The following ARHGEF10 variants were observed in gnomAD, a reference collection of about 807,000 sequenced individuals.
ARHGEF10 encodes the protein Rho guanine nucleotide exchange factor (GEF) 10.
Under a neutral mutation model 147.4 loss-of-function variants are expected in ARHGEF10, and 140 were observed. The observed-to-expected ratio is 0.95, with a 90% CI of 0.83 to 1.09. ARHGEF10 has a LOEUF of 1.09. Ranked by LOEUF, ARHGEF10 falls within the 50% of genes least tolerant of loss-of-function variation. The pLI, the probability that ARHGEF10 is intolerant of heterozygous loss-of-function variation, is 0.00. For missense variants in ARHGEF10, 2,222 were observed against 1,752.7 expected, an observed-to-expected ratio of 1.27 and a Z score of -4.78; for synonymous variants, 902 against 695.8, an observed-to-expected ratio of 1.30 and a Z score of -4.67.
At chr8:1,896,991 G>T (rs998573620) in intron 14 of ARHGEF10, among the ~76,000 whole-genome samples, 9 of 152,114 alleles carry the variant, frequency 5.9e-5, no homozygotes, top group African/African-American at 2.2e-4. Context: ...CAGCAGGCAG[G>T]CAGGGCTTCC....
chr8:1,858,104 C>T lies in ARHGEF10; in HGVS notation c.182C>T (p.Pro61Leu). ...GGAGGTGCTGGAGCCAGTGAAGCCC[C>T]TGCACCCACAGGTGAGTTTCCAGGA... ...ETGGAGASEAPAPTGGEDGAG... is the reference protein window; with the variant it reads ...ETGGAGASEALAPTGGEDGAG... Residue 61 changes from proline (P) to leucine (L), a missense_variant, in exon 3 of 29, where the codon CCT (proline) becomes CTT (leucine). Coordinates refer to ENST00000349830, the MANE Select transcript of ARHGEF10 (RefSeq NM_014629.4). 1 of 1,552,742 alleles carries T rather than the reference C, an allele frequency of 6.4e-7. No homozygotes were observed. Among genetic ancestry groups the T allele is most frequent in the Admixed American group, 1.9e-5 (1 of 53,524 alleles).
At chr8:1,901,007 G>A (rs921071384) in intron 15 of ARHGEF10, among the ~76,000 whole-genome samples, 2 of 152,134 alleles carry the variant, frequency 1.3e-5, no homozygotes, top group African/African-American at 4.8e-5. Context: ...TTGATGAAAC[G>A]CTGGCGTATC....
rs557299695 is a variant in ARHGEF10, at chr8:1,898,217, C to T, written c.1558-216C>T. Among the ~76,000 whole-genome samples the T allele has an allele frequency of 5.9e-5, 9 of 152,332 alleles. No homozygotes were observed. The East Asian group carries it at 1.7e-3, about 29-fold the overall frequency. On this transcript the variant is annotated intron_variant, in intron 14 of 28. Transcript: ENST00000349830. ...AATTCACCCCTGGAGCTGAGGCCAA[C>T]GTGTGAGGTCGGGCCCCTGCAGCAA...
chr8:1,905,676 A>G lies in ARHGEF10; in HGVS notation c.1927A>G (p.Met643Val). ...IVKTKERRVF[M>V]LNDVLMCATV... ...TAAAACCAAAGAACGCCGAGTCTTC[A>G]TGTTAAATGATGTGTTAATGTGTGC... is the stretch of plus-strand genomic sequence containing the variant. The change falls in exon 17 of 29, where the codon ATG becomes GTG. Residue 643 changes from methionine to valine, a missense_variant. By Grantham distance (21) the Met-to-Val change is conservative. Transcript: ENST00000349830. 4 of 1,614,204 alleles carry G rather than the reference A, an allele frequency of 2.5e-6. No homozygotes were observed. Among genetic ancestry groups the G allele is most frequent in the South Asian group, 1.1e-5 (1 of 91,084 alleles).
Position 1,937,143 on chromosome 8 carries a change from T to TG in ARHGEF10, c.3222+3202dup, listed in dbSNP as rs1263861016. On this transcript the variant is annotated intron_variant, in intron 26 of 28. Transcript: ENST00000349830. The surrounding 1 kb of genome is among the most constrained non-coding windows in gnomAD (Gnocchi z 4.9). ...AGCTGGACAGGGAGGTTGGGGTACA[T>TG]GTTAGATGATTTTTGGCAGTATTGT... Among the ~76,000 whole-genome samples, 4 of 152,206 alleles carry TG rather than the reference T, an allele frequency of 2.6e-5. No homozygotes were observed. The highest frequency in any genetic ancestry group is 9.6e-5 in the African/African-American group (4 of 41,452).
chr8:1,844,609 C>T (rs536296965), intron 2 of ARHGEF10, among the ~76,000 whole-genome samples: 14 of 152,206 alleles, frequency 9.2e-5, no homozygotes, highest in South Asian at 2.1e-4. Context: ...CCACGGGGTA[C>T]GGGACCCGGT....
At chr8:1,902,456 G>A (rs7836624) in intron 15 of ARHGEF10, among the ~76,000 whole-genome samples, 25,747 of 151,896 alleles carry the variant, frequency 0.17, 2,631 homozygotes, top group East Asian at 0.32. Context: ...TGACCTCCTC[G>A]TGCTTGTCTG....
intron 4 of ARHGEF10, among the ~76,000 whole-genome samples, chr8:1,860,996 C>A (rs1476448790): frequency 6.6e-6 from 1 of 152,186 alleles, no homozygotes. Flanking sequence ...AGGTCAGAGC[C>A]ACCTGGGGCA....
chr8:1,898,611 G>C lies in ARHGEF10; in HGVS notation c.1650+86G>C, dbSNP rs376287298. On this transcript the variant is annotated intron_variant, in intron 15 of 28. Coordinates refer to ENST00000349830, the MANE Select transcript of ARHGEF10 (RefSeq NM_014629.4). Reference sequence around the variant, plus strand: ...AAATGGCGTCTGTTCCTCCACTTTGGAATGGCTGCCCCTCGGGCCTCCTCA... The same window carrying C: ...AAATGGCGTCTGTTCCTCCACTTTGCAATGGCTGCCCCTCGGGCCTCCTCA... 1.1e-3 allele frequency: 1,480 copies of C among 1,364,014 alleles called. 5 individuals are homozygous for C. The highest frequency in any genetic ancestry group is 8.1e-3 in the African/African-American group (564 of 69,530). The allele number at this position is 1,364,014 out of a possible 1,614,324, so 84.5% of individuals were successfully genotyped here.
chr8:1,825,839 C>T (rs1802739575), intron 1 of ARHGEF10, among the ~76,000 whole-genome samples: 1 of 152,190 alleles, frequency 6.6e-6, no homozygotes, highest in African/African-American at 2.4e-5. Context: ...ACGGACTGGT[C>T]AGTATTCTAG....
rs1563345180 is a variant in ARHGEF10, at chr8:1,957,877, AT to A, written c.*619del. On this transcript the variant is annotated 3_prime_UTR_variant, in exon 29 of 29. Transcript: ENST00000349830. ...GTACTGTATATTTTAACAAAGTAAT[AT>A]TTTTGTATTGCATTTTTCTATTAAA... is the stretch of plus-strand genomic sequence containing the variant. The A allele has an allele frequency of 6.6e-6, 1 of 152,288 alleles. No individual in the cohort carries two copies. The highest frequency in any genetic ancestry group is 2.1e-4 in the South Asian group (1 of 4,842). 9.4% of individuals were successfully genotyped at this position (152,288 alleles called of 1,614,324 possible).
rs766948819 is a variant in ARHGEF10, at chr8:1,898,446, C to A, written c.1571C>A (p.Ala524Asp). The A allele has an allele frequency of 1.9e-6, 3 of 1,614,100 alleles. No homozygotes were observed. The highest frequency in any genetic ancestry group is 2.5e-6 in the Non-Finnish European group (3 of 1,180,020). ...CTTCCCCCACAGCAGGAACAGGAGG[C>A]CAGCCCCGATCGAACCACGCTCTAC... is the stretch of plus-strand genomic sequence containing the variant. ...FLEFLKQEQE[A>D]SPDRTTLYSL... The change falls in exon 15 of 29, where the codon GCC becomes GAC. Residue 524 changes from alanine to aspartate, a missense_variant. By Grantham distance (126) the Ala-to-Asp change is moderately radical (BLOSUM62 -2). Coordinates refer to ENST00000349830, the MANE Select transcript of ARHGEF10 (RefSeq NM_014629.4).
intron 1 of ARHGEF10, among the ~76,000 whole-genome samples, chr8:1,835,299 G>A (rs1023897780): frequency 6.6e-6 from 1 of 152,228 alleles, no homozygotes; most frequent in East Asian, 1.9e-4. Flanking sequence ...GCCTGTCCCT[G>A]CCCCAGGTGC....
intron 7 of ARHGEF10, among the ~76,000 whole-genome samples, chr8:1,873,694 C>A (rs7832514): frequency 0.29 from 15,450 of 52,774 alleles, 1,906 homozygotes; most frequent in East Asian, 0.52. Flanking sequence ...TTTCATTGAG[C>A]GGTGCCCGCG....
intron 4 of ARHGEF10, 118 bp from the exon 5 acceptor site, chr8:1,864,255 C>A: frequency 2.0e-6 from 2 of 1,015,578 alleles, no homozygotes; most frequent in South Asian, 1.3e-5. Flanking sequence ...CACCCTTATG[C>A]TAAGATAAGC....
chr8:1,873,587 T>A (rs1353299768), intron 7 of ARHGEF10, among the ~76,000 whole-genome samples: 1 of 134,658 alleles, frequency 7.4e-6, no homozygotes, highest in Non-Finnish European at 1.6e-5. Context: ...TGCACCCGCA[T>A]TTCCTAGTTG....
intron 17 of ARHGEF10, among the ~76,000 whole-genome samples, chr8:1,907,511 T>G (rs1810995927): frequency 6.6e-6 from 1 of 152,238 alleles, no homozygotes; most frequent in South Asian, 2.1e-4. Flanking sequence ...CACTGATGTT[T>G]GTCTGACACT....
At chr8:1,900,245 C>T (rs898910723) in intron 15 of ARHGEF10, among the ~76,000 whole-genome samples, 17 of 152,154 alleles carry the variant, frequency 1.1e-4, no homozygotes, top group Non-Finnish European at 1.5e-5. Flanking sequence ...GGTGGGCGGG[C>T]TGCTGGAAAC....
At chr8:1,838,296 G>A (rs1243546506) in intron 1 of ARHGEF10, among the ~76,000 whole-genome samples, 1 of 152,258 alleles carries the variant, frequency 6.6e-6, no homozygotes, top group Non-Finnish European at 1.5e-5. Flanking sequence ...ACTCATAGCT[G>A]TATTGGAGCA....
Sources: gnomAD v4.1 joint callset for allele counts (sites outside exome capture counted in the v4.1 genomes callset) on GRCh38, gnomAD v4.1.1 for gene constraint, Gnocchi (gnomAD v3.1) non-coding constraint, MANE v1.5 for transcripts, NCBI Gene and HGNC (gene_info 2026-07-23, HGNC 2026-07-21) for gene names.